Variants in ADRA1B observed in about 807,000 individuals in gnomAD.
The protein encoded by ADRA1B is alpha-1B adrenergic receptor.
In ADRA1B, 17 loss-of-function variants were observed where a neutral mutation model predicts 17.9. The observed-to-expected ratio is 0.95, with a 90% CI of 0.65 to 1.42. ADRA1B has a LOEUF of 1.42. Ranked by LOEUF, ADRA1B falls within the 40% of genes most tolerant of loss-of-function variation. ADRA1B has a pLI of 0.00. For missense variants in ADRA1B, 681 were observed against 722.1 expected (o/e 0.94, Z 0.65); for synonymous variants, 366 against 327.6 (o/e 1.12, Z -1.27).
chr5:159,894,671 G>T (rs1034646350), intron 1 of ADRA1B, among the ~76,000 whole-genome samples: 1 of 152,028 alleles, frequency 6.6e-6, no homozygotes, highest in African/African-American at 2.4e-5. Flanking sequence ...ATTTTAGTTC[G>T]TGATACAATA....
intron 1 of ADRA1B, among the ~76,000 whole-genome samples, chr5:159,897,070 C>A (rs979447546): frequency 2.6e-5 from 4 of 152,214 alleles, no homozygotes; most frequent in African/African-American, 9.6e-5. Flanking sequence ...GACAACCAAG[C>A]AACTGATCCA....
chr5:159,879,266 T>C (rs1377979535), intron 1 of ADRA1B, among the ~76,000 whole-genome samples: 2 of 152,122 alleles, frequency 1.3e-5, no homozygotes, highest in East Asian at 3.9e-4. Flanking sequence ...GCCCAGTGAC[T>C]GACGATGGAC....
rs995980710 is a variant in ADRA1B, at chr5:159,916,621, C to A, written c.-285C>A. 36 of 241,542 alleles carry A rather than the reference C, an allele frequency of 1.5e-4. No homozygotes were observed. Among genetic ancestry groups the A allele is most frequent in the Non-Finnish European group, 2.2e-4 (28 of 126,806 alleles). 15.0% of individuals were successfully genotyped at this position (241,542 alleles called of 1,614,324 possible). A position where few individuals can be genotyped will look rare whatever the true frequency, so the allele number is the denominator to read the frequency against. On this transcript the variant is annotated 5_prime_UTR_variant, in exon 1 of 2. Transcript: ENST00000306675. Reference sequence around the variant, plus strand: ...CTGCCGCCCCCTCCTCCCCGCCGCTCCCCCGCGAGCCCGGCCAGGCGCGCC... The same window carrying A: ...CTGCCGCCCCCTCCTCCCCGCCGCTACCCCGCGAGCCCGGCCAGGCGCGCC...
chr5:159,965,934 T>C (rs986354523), intron 1 of ADRA1B, among the ~76,000 whole-genome samples: 10 of 152,166 alleles, frequency 6.6e-5, no homozygotes, highest in African/African-American at 2.4e-4. Flanking sequence ...AGCGAGCATT[T>C]TGGCTAATTT....
intron 1 of ADRA1B, among the ~76,000 whole-genome samples, chr5:159,884,314 A>T (rs563236534): frequency 1.3e-5 from 2 of 152,312 alleles, no homozygotes; most frequent in East Asian, 3.9e-4. Context: ...CAGTGTTGAG[A>T]GGTGGGACTT....
chr5:159,876,103 C>T (rs957686157), intron 1 of ADRA1B, among the ~76,000 whole-genome samples: 19 of 152,160 alleles, frequency 1.2e-4, no homozygotes, highest in Admixed American at 3.3e-4. Context: ...GCAGGAGAAT[C>T]GCTTGAACTC....
chr5:159,910,278 T>C (rs1186311929), intron 1 of ADRA1B, among the ~76,000 whole-genome samples: 1 of 152,054 alleles, frequency 6.6e-6, no homozygotes, highest in Non-Finnish European at 1.5e-5. Flanking sequence ...TGGGCACAGA[T>C]GAAAATAAAG....
chr5:159,926,516 C>T (rs1174333235), intron 1 of ADRA1B, among the ~76,000 whole-genome samples: 1 of 152,124 alleles, frequency 6.6e-6, no homozygotes, highest in Non-Finnish European at 1.5e-5. Context: ...ATTCATACAG[C>T]GTGTACCAGA....
chr5:159,916,766 G>A lies in ADRA1B; in HGVS notation c.-140G>A, dbSNP rs1047788737. The stretch of plus-strand genomic sequence containing the variant: ...GACGTGCTGCCGGGCTGGGCTGCCC[G>A]GGGGAGATGACTCCTCGCCAGGAGG... On this transcript the variant is annotated 5_prime_UTR_variant, in exon 1 of 2. Coordinates refer to ENST00000306675, the MANE Select transcript of ADRA1B (RefSeq NM_000679.4). 24 of 780,850 alleles carry A rather than the reference G, an allele frequency of 3.1e-5. No individual in the cohort carries two copies. The highest frequency in any genetic ancestry group is 8.1e-5 in the East Asian group (3 of 37,154). 48.4% of individuals were successfully genotyped at this position (780,850 alleles called of 1,614,324 possible). A position where few individuals can be genotyped will look rare whatever the true frequency, so the allele number is the denominator to read the frequency against.
At chr5:159,885,760 C>T (rs1021630734) in intron 1 of ADRA1B, among the ~76,000 whole-genome samples, 1 of 152,178 alleles carries the variant, frequency 6.6e-6, no homozygotes, top group African/African-American at 2.4e-5. Context: ...CCACTTTGAG[C>T]TGGAGGTTTG....
chr5:159,948,637 C>A, intron 1 of ADRA1B: 1 of 207,168 alleles, frequency 4.8e-6, no homozygotes, highest in Non-Finnish European at 8.5e-6. Flanking sequence ...TATGGCATAT[C>A]AAATGTACTA....
intron 1 of ADRA1B, chr5:159,871,321 G>C (rs574914182): frequency 4.3e-4 from 65 of 152,312 alleles, no homozygotes; most frequent in African/African-American, 1.5e-3. Flanking sequence ...CTGGAAGTTG[G>C]GGTCTATATT....
intron 1 of ADRA1B, among the ~76,000 whole-genome samples, chr5:159,929,385 C>T (rs1754740365): frequency 6.6e-6 from 1 of 151,894 alleles, no homozygotes; most frequent in South Asian, 2.1e-4. Flanking sequence ...GCTGCTTGCC[C>T]ACTTTCCTAT....
At chr5:159,946,013 C>G (rs570316879) in intron 1 of ADRA1B, among the ~76,000 whole-genome samples, 175 of 152,310 alleles carry the variant, frequency 1.1e-3, no homozygotes, top group African/African-American at 4.0e-3. Flanking sequence ...TCCCAAAGTG[C>G]TGGGATTACA....
At chr5:159,969,087 C>T (rs73817255) in intron 1 of ADRA1B, among the ~76,000 whole-genome samples, 9,516 of 152,180 alleles carry the variant, frequency 0.063, 1,013 homozygotes, top group African/African-American at 0.22. Context: ...AATGGTGAGA[C>T]CCAAATCTAA....
At chr5:159,891,451 C>T (rs190315511) in intron 1 of ADRA1B, among the ~76,000 whole-genome samples, 31 of 152,190 alleles carry the variant, frequency 2.0e-4, no homozygotes, top group Admixed American at 1.3e-3. Flanking sequence ...AGTAGGGTTC[C>T]GCATGAGCAA....
chr5:159,970,336 C>A (rs371092570), intron 1 of ADRA1B, among the ~76,000 whole-genome samples: 35 of 152,164 alleles, frequency 2.3e-4, no homozygotes, highest in African/African-American at 8.0e-4. Context: ...GGTATTATGT[C>A]ATAAATCTCA....
chr5:159,903,205 C>T (rs539508830), intron 1 of ADRA1B, among the ~76,000 whole-genome samples: 1 of 152,284 alleles, frequency 6.6e-6, no homozygotes, highest in South Asian at 2.1e-4. Context: ...AAGGTTCCCA[C>T]CCCAAATGTT....
intron 1 of ADRA1B, among the ~76,000 whole-genome samples, chr5:159,896,184 A>G (rs1754038512): frequency 6.6e-6 from 1 of 152,244 alleles, no homozygotes; most frequent in Admixed American, 6.5e-5. Flanking sequence ...GATGAAGCAG[A>G]ACTAAGACTT....
Sources: gnomAD v4.1 joint callset for allele counts (sites outside exome capture counted in the v4.1 genomes callset) on GRCh38, gnomAD v4.1.1 for gene constraint, MANE v1.5 for transcripts, NCBI Gene and HGNC (gene_info 2026-07-23, HGNC 2026-07-21) for gene names.